TRIM43B: variants seen among roughly 807,000 people sequenced by gnomAD.
TRIM43B encodes tripartite motif containing 43B.
Under a neutral mutation model 27.0 loss-of-function variants are expected in TRIM43B, and 15 were observed. The observed-to-expected ratio is 0.55, with a 90% CI of 0.37 to 0.85. The LOEUF (loss-of-function observed/expected upper bound fraction) is 0.85, where lower values mean the gene tolerates loss of function less well. Among genes scored for constraint, TRIM43B ranks in the 40% least tolerant of loss-of-function variants. The pLI is 0.00. For synonymous variants in TRIM43B, 69 were observed against 97.8 expected (o/e 0.71, Z 1.74); for missense variants, 172 against 289.8 (o/e 0.59, Z 2.95).
chr2:95,480,430 A>G (rs1408192244), exon 4 of TRIM43B: 11 of 1,607,174 alleles, frequency 6.8e-6, no homozygotes, highest in Non-Finnish European at 9.3e-6. Flanking sequence ...ATCTCTTGGT[A>G]TTCCTTGTTC....
In TRIM43B at chr2:95,482,737, A is replaced by G. The variant is rs1453163543; in HGVS notation, c.-4-19T>C. The G allele has an allele frequency of 6.3e-7, 1 of 1,576,034 alleles. No homozygotes were observed. Among genetic ancestry groups the G allele is most frequent in the African/African-American group, 1.4e-5 (1 of 73,444 alleles). On this transcript the variant is annotated intron_variant, in intron 1 of 6. Coordinates refer to ENST00000639673, the Ensembl canonical transcript of TRIM43B. Reference sequence around the variant, plus strand: ...CATTTTCCTAAGGAAAGAAAACCACAGGAATTTAATCTTCTACCCTGGAGA... The same window carrying G: ...CATTTTCCTAAGGAAAGAAAACCACGGGAATTTAATCTTCTACCCTGGAGA...
In TRIM43B at chr2:95,482,711, C is replaced by T. The variant is rs536256473; in HGVS notation, c.4G>A (p.Asp2Asn). Residue 2 changes from aspartate to asparagine, a missense_variant, in exon 2 of 7, where the codon GAC (aspartate) becomes AAC (asparagine). Asp to Asn is a conservative substitution (Grantham distance 23). This residue lies in a region of TRIM43B where 74 missense variants were observed against 150.7 expected (regional missense o/e 0.49). Coordinates refer to ENST00000639673, the Ensembl canonical transcript of TRIM43B. Reference sequence around the variant, plus strand: ...TGGAAGGCATGTGAGAAGTCTGAGTCCATTTTCCTAAGGAAAGAAAACCAC... The same window carrying T: ...TGGAAGGCATGTGAGAAGTCTGAGTTCATTTTCCTAAGGAAAGAAAACCAC... 15 of 1,612,886 alleles carry T rather than the reference C, an allele frequency of 9.3e-6. 1 individual carries two copies. In the South Asian group the frequency reaches 1.4e-4, roughly 15 times the overall value.
chr2:95,484,647 A>T (rs1290605562), exon 1 of TRIM43B: 1 of 152,122 alleles, frequency 6.6e-6, no homozygotes. Context: ...TTGCTGTCGA[A>T]TCAGATGGAT....
At position 95,481,449 on chromosome 2, in the gene TRIM43B, T is replaced by C. The variant is rs1683520796; in HGVS notation, c.507+146A>G. 6.9e-6 allele frequency: 4 copies of C among 575,858 alleles called. No homozygotes were observed. In the South Asian group the frequency reaches 1.2e-4, roughly 17 times the overall value. The allele number at this position is 575,858 out of a possible 1,614,324, so 35.7% of individuals were successfully genotyped here. A position where few individuals can be genotyped will look rare whatever the true frequency, so the allele number is the denominator to read the frequency against. On this transcript the variant is annotated intron_variant, in intron 3 of 6. Transcript: ENST00000639673. ...TTACAGAAAACCTGAACAATCGTTA[T>C]GTTGAACAGTCTGGTTGTTTTCCAG...
In TRIM43B at chr2:95,480,533, G is replaced by A. The variant is rs549632893; in HGVS notation, c.510C>T (p.Gly170=). 2.9e-5 allele frequency: 47 copies of A among 1,607,780 alleles called. 1 individual carries two copies. Among genetic ancestry groups the A allele is most frequent in the East Asian group, 1.8e-4 (8 of 44,222 alleles). The change falls in exon 4 of 7, where the codon GGC becomes GGT. Residue 170 remains glycine (G), a splice_region_variant and synonymous_variant. Transcript: ENST00000639673. ...TCATCTGTGCCCGTAAAACCACATC[G>A]CCCTGTAGGGATATGAATTTTGTAG...
intron 3 of TRIM43B, 150 bp downstream of exon 3, chr2:95,481,445 G>C (rs1371079332): frequency 3.6e-6 from 2 of 551,510 alleles, no homozygotes; most frequent in Middle Eastern, 5.2e-4. Flanking sequence ...CTGAACAATC[G>C]TTATGTTGAA....
intron 1 of TRIM43B, among the ~76,000 whole-genome samples, chr2:95,484,098 C>G (rs1454665675): frequency 3.4e-5 from 5 of 149,246 alleles, no homozygotes; most frequent in African/African-American, 1.2e-4. Context: ...AGGCCGGGCG[C>G]GGTGGCTCAG....
chr2:95,481,938 C>T (rs1489518517), intron 2 of TRIM43B, among the ~76,000 whole-genome samples: 2 of 151,856 alleles, frequency 1.3e-5, no homozygotes, highest in African/African-American at 4.8e-5. Context: ...CATCCTGCTT[C>T]AGAACCCACT....
At position 95,482,301 on chromosome 2, in the gene TRIM43B, TA is replaced by T. The variant is rs777576533; in HGVS notation, c.411+2del. ...TTCAGGTGATCACAGAGCTATCTCT[TA>T]CCCGGTCTTCCTCAGCTGCCTCTTC... On this transcript the variant is annotated splice_donor_variant, in intron 2 of 6. Coordinates refer to ENST00000639673, the Ensembl canonical transcript of TRIM43B. LOFTEE classifies it high-confidence loss of function. 186 of 1,611,480 alleles carry T rather than the reference TA, an allele frequency of 1.2e-4. 4 individuals are homozygous for T. The highest frequency in any genetic ancestry group is 8.9e-5 in the Non-Finnish European group (105 of 1,179,732).
intron 3 of TRIM43B, 49 bp from the exon 4 acceptor site, chr2:95,480,584 C>T (rs1196814788): frequency 2.5e-6 from 4 of 1,599,560 alleles, no homozygotes; most frequent in African/African-American, 1.4e-5. Context: ...CTACTTCCAC[C>T]TCACAGAGCC....
rs1408665751 is a variant in TRIM43B, at chr2:95,484,128, T to C, written c.-5+478A>G. On this transcript the variant is annotated intron_variant, in intron 1 of 6. Coordinates refer to ENST00000639673, the Ensembl canonical transcript of TRIM43B. ...GCTCAGGCCTGTAATCCCAACACTT[T>C]CAGAGGCCGAGGTGAACGGATCACA... Among the ~76,000 whole-genome samples, 6 of 149,812 alleles carry C rather than the reference T, an allele frequency of 4.0e-5. No homozygotes were observed. In the East Asian group the frequency reaches 1.2e-3, roughly 29 times the overall value.
In TRIM43B at chr2:95,482,299, C is replaced by T. The variant is rs780023879; in HGVS notation, c.411+5G>A. On this transcript the variant is annotated splice_donor_5th_base_variant and intron_variant, in intron 2 of 6. Transcript: ENST00000639673. ...CTTTCAGGTGATCACAGAGCTATCT[C>T]TTACCCGGTCTTCCTCAGCTGCCTC... is the stretch of plus-strand genomic sequence containing the variant. 2.5e-6 allele frequency: 4 copies of T among 1,611,424 alleles called. No individual in the cohort carries two copies. The highest frequency in any genetic ancestry group is 3.4e-6 in the Non-Finnish European group (4 of 1,179,728).
At chr2:95,480,320 C>T in exon 4 of TRIM43B, 1 of 1,605,924 alleles carries the variant, frequency 6.2e-7, no homozygotes, top group Non-Finnish European at 8.5e-7. Context: ...GCAGCTCCAC[C>T]TCTGGTTTAT....
chr2:95,482,664 G>A, exon 2 of TRIM43B: 1 of 1,613,882 alleles, frequency 6.2e-7, no homozygotes, highest in Non-Finnish European at 8.5e-7. Flanking sequence ...AGTTCAAACA[G>A]ATGACACAGG....
intron 1 of TRIM43B, among the ~76,000 whole-genome samples, chr2:95,483,369 G>A (rs907456531): frequency 2.6e-5 from 4 of 152,140 alleles, no homozygotes; most frequent in Non-Finnish European, 4.4e-5. Context: ...CATGTTTCCT[G>A]TTCCTGGACA....
chr2:95,481,772 A>C (rs1683530944), intron 2 of TRIM43B, 82 bp from the exon 3 acceptor site: 1 of 1,422,318 alleles, frequency 7.0e-7, no homozygotes, highest in African/African-American at 1.4e-5. Context: ...CAAGGGATCT[A>C]ATATATAAAT....
exon 1 of TRIM43B, chr2:95,484,645 G>C (rs920682276): frequency 2.0e-5 from 3 of 152,042 alleles, no homozygotes; most frequent in African/African-American, 7.2e-5. Context: ...GCTTGCTGTC[G>C]AATCAGATGG....
chr2:95,483,836 A>C (rs926320465), intron 1 of TRIM43B, among the ~76,000 whole-genome samples: 2 of 151,894 alleles, frequency 1.3e-5, no homozygotes, highest in Admixed American at 1.3e-4. Flanking sequence ...TCCCCCCCAA[A>C]ACAAAAACAA....
chr2:95,483,881 G>A (rs189420512), intron 1 of TRIM43B, among the ~76,000 whole-genome samples: 1 of 151,966 alleles, frequency 6.6e-6, no homozygotes, highest in African/African-American at 2.4e-5. Flanking sequence ...TTAAGTCAGC[G>A]TTTTAAATGT....
Sources: allele counts gnomAD v4.1 joint callset (sites outside exome capture counted in the v4.1 genomes callset), GRCh38; gene constraint gnomAD v4.1.1; regional missense constraint gnomAD v4.1.1; transcripts MANE v1.5; gene names NCBI Gene and HGNC (gene_info 2026-07-23, HGNC 2026-07-21).